WAS: variants seen among roughly 807,000 people sequenced by gnomAD.
WAS encodes WASP actin nucleation promoting factor, also known as actin nucleation-promoting factor WAS.
A neutral mutation model predicts 38.9 loss-of-function variants in WAS; 1 was observed. The observed-to-expected ratio is 0.03, with a 90% confidence interval of 0.01 to 0.12. The LOEUF (loss-of-function observed/expected upper bound fraction) is 0.12. WAS is among the 10% of genes least tolerant of loss of function. The pLI, the probability that WAS is intolerant of heterozygous loss-of-function variation, is 1.00. For synonymous variants in WAS, 182 were observed against 173.6 expected, an observed-to-expected ratio of 1.05 and a Z score of -0.38; for missense variants, 311 against 431.2, an observed-to-expected ratio of 0.72 and a Z score of 2.47.
intron 7 of WAS, among the ~76,000 whole-genome samples, chrX:48,687,664 GGT>G (rs1460282866): frequency 9.0e-6 from 1 of 111,368 alleles, no homozygotes; most frequent in Non-Finnish European, 1.9e-5. Flanking sequence ...TAGATGGAAA[GGT>G]GGGCACATGG....
intron 1 of WAS, among the ~76,000 whole-genome samples, chrX:48,677,093 G>A (rs959497748): frequency 2.7e-5 from 3 of 111,937 alleles, no homozygotes; most frequent in African/African-American, 9.8e-5. Flanking sequence ...GGTTGGTCCT[G>A]GTGGGGCCTG....
chrX:48,688,198 C>T (rs930794583), intron 8 of WAS, 102 bp downstream of exon 8: 1 of 1,153,496 alleles, frequency 8.7e-7, no homozygotes, highest in Admixed American at 2.6e-5. Flanking sequence ...TCCCACACCC[C>T]TCTCAGATCC....
At position 48,689,045 on chromosome X, in the gene WAS, G is replaced by T. The variant is rs984134996; in HGVS notation, c.1317G>T (p.Arg439=). Residue 439 remains arginine (R), a synonymous_variant, in exon 10 of 12, where the codon CGG becomes CGT. Transcript: ENST00000376701. ...GGGGAGCGCTTTTGGATCAAATCCG[G>T]CAGGGAATTCAGCTGAACAAGGTGA... ...GGRGALLDQI[R]QGIQLNKTPG... 1 of 1,204,306 alleles carries T rather than the reference G, an allele frequency of 8.3e-7. No individual in the cohort carries two copies. The highest frequency in any genetic ancestry group is 1.1e-6 in the Non-Finnish European group (1 of 894,789).
rs2062432790 is a variant in WAS, at chrX:48,689,421, C to T, written c.1440C>T (p.Ala480=). The T allele has an allele frequency of 1.7e-6, 2 of 1,207,855 alleles. No individual in the cohort carries two copies. The highest frequency in any genetic ancestry group is 5.9e-5 in the East Asian group (2 of 33,743). The change falls in exon 11 of 12, where the codon GCC becomes GCT. Residue 480 remains alanine, a synonymous_variant. Transcript: ENST00000376701. ...ACGTGATGCAGAAGAGAAGCAGAGC[C>T]ATCCACTCCTCCGGTGAGCTGATCC... is the stretch of plus-strand genomic sequence containing the variant. ...LMHVMQKRSR[A]IHSSDEGEDQ... is the part of the protein sequence containing the mutation.
chrX:48,681,504 G>C (rs2062400483), upstream of WAS, among the ~76,000 whole-genome samples: 2 of 112,614 alleles, frequency 1.8e-5, no homozygotes, highest in Non-Finnish European at 3.8e-5. Context: ...CTGTGAATGT[G>C]AAATGAGTTA....
chrX:48,682,412 G>A (rs55789731), upstream of WAS, among the ~76,000 whole-genome samples: 7,058 of 111,951 alleles, frequency 0.063, 214 homozygotes, highest in Non-Finnish European at 0.094. Flanking sequence ...CTCGCACTCC[G>A]GGCAAAGGGG....
chrX:48,680,810 C>G (rs782507066), upstream of WAS, among the ~76,000 whole-genome samples: 11 of 112,156 alleles, frequency 9.8e-5, no homozygotes, highest in South Asian at 4.1e-3. Flanking sequence ...AGCTGCTGCT[C>G]TGCCTATGGA....
Position 48,688,036 on chromosome X carries a change from T to A in WAS, c.735-18T>A. On this transcript the variant is annotated intron_variant, in intron 7 of 11. Coordinates refer to ENST00000376701, the MANE Select transcript of WAS (RefSeq NM_000377.3). ...GAAGGGCAGTGAGGATTCACTGGAGTCTCTTCACCTCTCCCAGGCATGTCA... is the reference window on the plus strand; with the variant it reads ...GAAGGGCAGTGAGGATTCACTGGAGACTCTTCACCTCTCCCAGGCATGTCA... 8.3e-7 allele frequency: 1 copy of A among 1,201,612 alleles called. No individual in the cohort carries two copies. The highest frequency in any genetic ancestry group is 1.1e-6 in the Non-Finnish European group (1 of 890,113).
rs12013333 is a variant in WAS at position 48,678,402 on chromosome X, C to A, written c.-131+1654C>A. On this transcript the variant is annotated intron_variant, in intron 1 of 8. Coordinates refer to the WAS transcript ENST00000450772. ...TGGTGGCCCAGGTGTGGAAGACACC[C>A]CCCATGTCTTATTACCTACTCTGGG... 5.7e-3 allele frequency among the ~76,000 whole-genome samples: 634 copies of A among 111,419 alleles called. 3 individuals carry two copies. The highest frequency in any genetic ancestry group is 0.02 in the African/African-American group (602 of 30,658).
rs2062439511 is a variant in WAS, at chrX:48,691,378, A to G, written c.*216A>G. On this transcript the variant is annotated 3_prime_UTR_variant, in exon 12 of 12. Transcript: ENST00000376701. ...CAAAAATTCTCAGTTCTCTTCACTC[A>G]AGGATTTTTAAAGAAAAATAAAAGA... 2 of 415,807 alleles carry G rather than the reference A, an allele frequency of 4.8e-6. No homozygotes were observed. The highest frequency in any genetic ancestry group is 8.6e-5 in the Admixed American group (2 of 23,181). 34.3% of individuals were successfully genotyped at this position (415,807 alleles called of 1,213,427 possible).
At chrX:48,682,146 G>A (rs957947241), upstream of WAS, among the ~76,000 whole-genome samples, 29 of 112,266 alleles carry the variant, frequency 2.6e-4, no homozygotes, top group African/African-American at 9.4e-4. Flanking sequence ...CTGAGAGTCT[G>A]CATGCCTATG....
chrX:48,683,650 T>A, upstream of WAS: 1 of 505,143 alleles, frequency 2.0e-6, no homozygotes, highest in Non-Finnish European at 3.2e-6. Context: ...AGCAGTCAAG[T>A]GGAGGAGGGT....
chrX:48,681,402 C>A (rs2062400244), upstream of WAS, among the ~76,000 whole-genome samples: 1 of 111,735 alleles, frequency 8.9e-6, no homozygotes, highest in African/African-American at 3.3e-5. Context: ...AACTCCTGAC[C>A]TCGTGATCTG....
chrX:48,682,610 A>G (rs372182723), upstream of WAS, among the ~76,000 whole-genome samples: 8 of 112,164 alleles, frequency 7.1e-5, no homozygotes, highest in African/African-American at 2.6e-4. Context: ...TAAAAAAGGG[A>G]TGGGCTGGGC....
At position 48,688,170 on chromosome X, in the gene WAS, A is replaced by G; in HGVS notation, c.777+74A>G. 3 of 1,149,519 alleles carry G rather than the reference A, an allele frequency of 2.6e-6. No homozygotes were observed. In the South Asian group the frequency reaches 5.7e-5, roughly 22 times the overall value. 94.7% of individuals were successfully genotyped at this position (1,149,519 alleles called of 1,213,427 possible). A position where few individuals can be genotyped will look rare whatever the true frequency, so the allele number is the denominator to read the frequency against. ...TTCCAAAGACCACTGCTGAGACCCC[A>G]CCCCCAGATCGTGCCCTTCCCACAC... is the stretch of plus-strand genomic sequence containing the variant. On this transcript the variant is annotated intron_variant, in intron 8 of 11. Transcript: ENST00000376701.
At position 48,685,828 on chromosome X, in the gene WAS, A is replaced by G. The variant is rs1457848999; in HGVS notation, c.455A>G (p.Gln152Arg). The change falls in exon 4 of 12, where the codon CAA (glutamine) becomes CGA (arginine). Residue 152 changes from glutamine (Q) to arginine (R), a missense_variant. Gln to Arg is a conservative substitution (Grantham distance 43). Transcript: ENST00000376701. ...QEKIQKRNQR[Q>R]SGDRRQLPPP... The stretch of plus-strand genomic sequence containing the variant: ...AAGATACAAAAAAGGAATCAGAGGC[A>G]AAGTGGAGGTGAGGAGGCCACAGGG... 3 of 1,197,629 alleles carry G rather than the reference A, an allele frequency of 2.5e-6. No homozygotes were observed. Among genetic ancestry groups the G allele is most frequent in the African/African-American group, 1.8e-5 (1 of 56,755 alleles).
intron 11 of WAS, among the ~76,000 whole-genome samples, chrX:48,690,830 A>G (rs2062437467): frequency 8.9e-6 from 1 of 111,819 alleles, no homozygotes; most frequent in Non-Finnish European, 1.9e-5. Flanking sequence ...CACCTTTGCT[A>G]ATATTATTTA....
At position 48,689,008 on chromosome X, in the gene WAS, C is replaced by T. The variant is rs782307200; in HGVS notation, c.1280C>T (p.Pro427Leu). The T allele has an allele frequency of 3.3e-5, 40 of 1,201,883 alleles. No homozygotes were observed. The African/African-American group carries it at 6.8e-4, about 21-fold the overall frequency. ...CTGGTGCCTGCCGGGGGCCTGGCCCCTGGTGGGGGTCGGGGAGCGCTTTTG... is the reference window on the plus strand; with the variant it reads ...CTGGTGCCTGCCGGGGGCCTGGCCCTTGGTGGGGGTCGGGGAGCGCTTTTG... ...PALVPAGGLA[P>L]GGGRGALLDQ... The change falls in exon 10 of 12, where the codon CCT becomes CTT. Residue 427 changes from proline to leucine, a missense_variant. Pro to Leu is a moderately conservative substitution (Grantham distance 98, BLOSUM62 -3). Around this residue, in one of 4 missense-constraint regions of WAS, gnomAD observed 142 missense variants for 157.6 expected, o/e 0.90. Transcript: ENST00000376701.
rs782439867 is a variant in WAS, at chrX:48,685,645, A to G, written c.360+12A>G. 1 of 1,188,372 alleles carries G rather than the reference A, an allele frequency of 8.4e-7. No homozygotes were observed. The highest frequency in any genetic ancestry group is 1.9e-5 in the South Asian group (1 of 53,960). On this transcript the variant is annotated intron_variant, in intron 3 of 11. Transcript: ENST00000376701. ...CCTTCGCTGGAGATGTAAGTGATCA[A>G]CCAGCCCTCGGGCCTCACTTGGGGT...
Sources: gnomAD v4.1 joint callset for allele counts (sites outside exome capture counted in the v4.1 genomes callset) on GRCh38, gnomAD v4.1.1 for gene constraint, gnomAD v4.1.1 regional missense constraint, MANE v1.5 for transcripts, NCBI Gene and HGNC (gene_info 2026-07-23, HGNC 2026-07-21) for gene names.